The following SGCE variants were observed in gnomAD, a reference collection of about 807,000 sequenced individuals.
The protein encoded by SGCE is epsilon-sarcoglycan.
A neutral mutation model predicts 57.8 loss-of-function variants in SGCE; 26 were observed. That is an observed-to-expected ratio of 0.45 (90% confidence interval 0.33 to 0.62). The LOEUF (loss-of-function observed/expected upper bound fraction) is 0.62, where lower values mean the gene tolerates loss of function less well. SGCE is among the 20% of genes least tolerant of loss of function. The probability of loss-of-function intolerance (pLI) is 0.02; values close to 1 mark genes in which losing one functional copy is unlikely to be tolerated. For synonymous variants in SGCE, 183 were observed against 189.5 expected (o/e 0.97, Z 0.28); for missense variants, 468 against 548.6 (o/e 0.85, Z 1.47).
intron 10 of SGCE, chr7:94,587,115 T>C: frequency 2.0e-6 from 2 of 983,934 alleles, no homozygotes; most frequent in Non-Finnish European, 2.4e-6. Context: ...TTTTATAAAT[T>C]AGGTTAAACA....
chr7:94,587,276 C>G (rs577854696), intron 10 of SGCE: 1 of 987,820 alleles, frequency 1.0e-6, no homozygotes. Context: ...ACAAATTGCC[C>G]TAATATCATC....
At chr7:94,601,549 G>T (rs1584537806) in intron 6 of SGCE, among the ~76,000 whole-genome samples, 1 of 145,388 alleles carries the variant, frequency 6.9e-6, no homozygotes, top group Non-Finnish European at 1.5e-5. Flanking sequence ...ATTTAATTAT[G>T]CTAAGGTTTT....
intron 9 of SGCE, among the ~76,000 whole-genome samples, chr7:94,596,515 A>T (rs1798421931): frequency 6.6e-6 from 1 of 152,146 alleles, no homozygotes; most frequent in Admixed American, 6.6e-5. Context: ...TTCTTTGAAG[A>T]GTTACCTATT....
At chr7:94,629,695 T>A (rs1341754514) in intron 2 of SGCE, 24 bp downstream of exon 2, 1 of 1,609,996 alleles carries the variant, frequency 6.2e-7, no homozygotes, top group Non-Finnish European at 8.5e-7. Context: ...GTTAACTGCT[T>A]TTTTTTCCTC....
chr7:94,609,118 T>C (rs2116791563), intron 5 of SGCE, among the ~76,000 whole-genome samples: 1 of 152,320 alleles, frequency 6.6e-6, no homozygotes, highest in Middle Eastern at 3.4e-3. Flanking sequence ...CTGCCAGTAG[T>C]ACAAAAAGCC....
intron 3 of SGCE, chr7:94,627,654 C>G (rs1436380554): frequency 6.5e-6 from 1 of 152,678 alleles, no homozygotes; most frequent in African/African-American, 2.4e-5. Context: ...TCTTTACCTT[C>G]TTACAACTCT....
chr7:94,617,028 T>G (rs1802033523), intron 5 of SGCE: 1 of 152,182 alleles, frequency 6.6e-6, no homozygotes, highest in African/African-American at 2.4e-5. Context: ...TAGCAGGTGT[T>G]GGGTGTTGGG....
At chr7:94,596,039 A>C (rs190311676) in intron 9 of SGCE, among the ~76,000 whole-genome samples, 2 of 152,134 alleles carry the variant, frequency 1.3e-5, no homozygotes, top group Non-Finnish European at 2.9e-5. Flanking sequence ...GAGCTTTTCC[A>C]TTAGCAGAAA....
At chr7:94,610,382 AG>A (rs1416819462) in intron 5 of SGCE, among the ~76,000 whole-genome samples, 1 of 152,194 alleles carries the variant, frequency 6.6e-6, no homozygotes, top group African/African-American at 2.4e-5. Flanking sequence ...TTGTCAGTGT[AG>A]GTTCATCATT....
intron 3 of SGCE, chr7:94,627,096 C>A (rs747355530): frequency 6.6e-6 from 1 of 152,004 alleles, no homozygotes; most frequent in South Asian, 2.1e-4. Context: ...CTTATAGTTA[C>A]ACTGCCTTAA....
At chr7:94,643,674 G>A (rs993825972) in intron 1 of SGCE, among the ~76,000 whole-genome samples, 2 of 152,004 alleles carry the variant, frequency 1.3e-5, no homozygotes, top group Non-Finnish European at 2.9e-5. Flanking sequence ...TTAATAATAG[G>A]GAAATAACTA....
chr7:94,620,206 TA>T (rs1802546629), intron 4 of SGCE: 1 of 152,116 alleles, frequency 6.6e-6, no homozygotes, highest in Admixed American at 6.5e-5. Flanking sequence ...AGCATCCTAT[TA>T]AAGGACATTT....
intron 3 of SGCE, 145 bp downstream of exon 3, chr7:94,628,057 T>C (rs546991940): frequency 1.9e-5 from 12 of 624,450 alleles, no homozygotes; most frequent in Non-Finnish European, 3.1e-5. Context: ...CCAAATGTTA[T>C]CTACTGTGTT....
At chr7:94,648,633 AGAATGAAC>A (rs907365833) in intron 1 of SGCE, among the ~76,000 whole-genome samples, 1 of 152,192 alleles carries the variant, frequency 6.6e-6, no homozygotes, top group Admixed American at 6.5e-5. Context: ...GTCTTTCATG[AGAATGAAC>A]CCAGTAACTA....
Position 94,644,725 on chromosome 7 carries a change from G to A in SGCE, c.109+11265C>T, listed in dbSNP as rs145210202. 34 of 778,660 alleles carry A rather than the reference G, an allele frequency of 4.4e-5. 1 individual carries two copies. Among genetic ancestry groups the A allele is most frequent in the South Asian group, 1.2e-4 (8 of 67,418 alleles). The allele number at this position is 778,660 out of a possible 1,614,324, so 48.2% of individuals were successfully genotyped here. The stretch of plus-strand genomic sequence containing the variant: ...AGTTGGTTATATAGCTCACGTGTCC[G>A]GCATCCCTTCCCTTCTCTTACCATC... On this transcript the variant is annotated intron_variant, in intron 1 of 10. Coordinates refer to ENST00000648936, the MANE Select transcript of SGCE (RefSeq NM_003919.3).
At chr7:94,595,660 A>G (rs1798288927) in intron 9 of SGCE, among the ~76,000 whole-genome samples, 1 of 152,102 alleles carries the variant, frequency 6.6e-6, no homozygotes, top group Non-Finnish European at 1.5e-5. Flanking sequence ...GTGTGTGTCT[A>G]CTCAGTGCTG....
At position 94,585,515 on chromosome 7, in the gene SGCE, C is replaced by T. The variant is rs750326561; in HGVS notation, c.1298G>A (p.Gly433Asp). 1 of 1,604,090 alleles carries T rather than the reference C, an allele frequency of 6.2e-7. No homozygotes were observed. Among genetic ancestry groups the T allele is most frequent in the South Asian group, 1.1e-5 (1 of 90,870 alleles). Residue 433 changes from glycine (G) to aspartate (D), a missense_variant and splice_region_variant, in exon 11 of 11, where the codon GGT (glycine) becomes GAT (aspartate). Physicochemically the swap from Gly to Asp is moderately conservative, Grantham distance 94. Transcript: ENST00000648936. ...QTQIPQQQTTGKWYP is the reference protein window; with the variant it reads ...QTQIPQQQTTDKWYP Reference sequence around the variant, plus strand: ...TTTCTTTCTTCAGGGATACCATTTACCTGCAATGTGTAAGAATGAATATGG... The same window carrying T: ...TTTCTTTCTTCAGGGATACCATTTATCTGCAATGTGTAAGAATGAATATGG...
intron 1 of SGCE, among the ~76,000 whole-genome samples, chr7:94,652,877 A>G (rs1808092357): frequency 6.6e-6 from 1 of 152,190 alleles, no homozygotes; most frequent in South Asian, 2.1e-4. Context: ...ATCCATAGCA[A>G]TTGTCATTAA....
chr7:94,603,377 C>A lies in SGCE; in HGVS notation c.738G>T (p.Leu246Phe). 1.2e-6 allele frequency: 2 copies of A among 1,612,834 alleles called. No individual in the cohort carries two copies. The highest frequency in any genetic ancestry group is 2.2e-5 in the South Asian group (2 of 91,028). ...LREVENPQNQLRCSQEMEPVI... is the reference protein window; with the variant it reads ...LREVENPQNQFRCSQEMEPVI... ...CAGGCTCCATTTCTTGACTACATCT[C>A]AATTGATTCTGTGGATTTTCAACTT... is the stretch of plus-strand genomic sequence containing the variant. The change falls in exon 6 of 11, where the codon TTG becomes TTT. Residue 246 changes from leucine (L) to phenylalanine (F), a missense_variant. By Grantham distance (22) the Leu-to-Phe change is conservative (BLOSUM62 0). Coordinates refer to ENST00000648936, the MANE Select transcript of SGCE (RefSeq NM_003919.3).
Sources: gnomAD v4.1 joint callset for allele counts (sites outside exome capture counted in the v4.1 genomes callset) on GRCh38, gnomAD v4.1.1 for gene constraint, MANE v1.5 for transcripts, NCBI Gene and HGNC (gene_info 2026-07-23, HGNC 2026-07-21) for gene names.